The following RNF150 variants were observed in gnomAD, a reference collection of about 807,000 sequenced individuals.
RNF150 encodes the protein ring finger protein 150.
A neutral mutation model predicts 39.3 loss-of-function variants in RNF150; 24 were observed. The observed-to-expected ratio is 0.61, with a 90% CI of 0.44 to 0.86. The LOEUF is 0.86. Among genes scored for constraint, RNF150 ranks in the 40% least tolerant of loss-of-function variants. RNF150 has a pLI of 0.00. For synonymous variants in RNF150, 255 were observed against 227.3 expected (o/e 1.12, Z -1.10); for missense variants, 502 against 587.8 (o/e 0.85, Z 1.51).
At position 141,161,132 on chromosome 4, in the gene RNF150, T is replaced by G. The variant is rs182509670; in HGVS notation, c.-6+51662A>C. On this transcript the variant is annotated intron_variant, in intron 1 of 7. Coordinates refer to the RNF150 transcript ENST00000420921. Reference sequence around the variant, plus strand: ...TAAATGGTTGTGACCGAAGCGCTGATAGTGATATAGACATTAAAGTCCTGG... The same window carrying G: ...TAAATGGTTGTGACCGAAGCGCTGAGAGTGATATAGACATTAAAGTCCTGG... Among the ~76,000 whole-genome samples, 29 of 152,258 alleles carry G rather than the reference T, an allele frequency of 1.9e-4. 1 individual carries two copies. Among genetic ancestry groups the G allele is most frequent in the African/African-American group, 7.0e-4 (29 of 41,548 alleles).
At chr4:140,927,176 C>G (rs1397223566) in intron 4 of RNF150, among the ~76,000 whole-genome samples, 1 of 152,092 alleles carries the variant, frequency 6.6e-6, no homozygotes, top group East Asian at 1.9e-4. Flanking sequence ...TAGAAGAACG[C>G]CAATGCCAAA....
intron 1 of RNF150, among the ~76,000 whole-genome samples, chr4:141,153,108 T>A (rs1352715380): frequency 3.9e-5 from 6 of 152,170 alleles, no homozygotes. Flanking sequence ...GAGAAAAATT[T>A]TTAATTCTTT....
intron 6 of RNF150, among the ~76,000 whole-genome samples, chr4:140,881,594 G>A (rs1729374695): frequency 1.3e-5 from 2 of 152,138 alleles, no homozygotes; most frequent in South Asian, 2.1e-4. Flanking sequence ...GAGAGTGTTG[G>A]TTGGGCATGG....
intron 4 of RNF150, among the ~76,000 whole-genome samples, chr4:140,935,055 AT>A (rs1202593670): frequency 1.6e-4 from 10 of 61,352 alleles, no homozygotes; most frequent in African/African-American, 1.8e-4. Flanking sequence ...AAATATATAT[AT>A]TATATATATA....
chr4:141,167,818 A>G (rs753481692), intron 1 of RNF150, among the ~76,000 whole-genome samples: 5 of 152,166 alleles, frequency 3.3e-5, no homozygotes, highest in Non-Finnish European at 7.4e-5. Context: ...ACTTCAATGT[A>G]AGACTTAAAA....
At chr4:140,887,171 C>T (rs559633768) in intron 6 of RNF150, among the ~76,000 whole-genome samples, 109 of 152,284 alleles carry the variant, frequency 7.2e-4, no homozygotes, top group African/African-American at 2.5e-3. Flanking sequence ...TACCACAGCT[C>T]TATTTAACTT....
chr4:140,901,488 T>TG (rs1156966593), intron 6 of RNF150, among the ~76,000 whole-genome samples: 1 of 152,230 alleles, frequency 6.6e-6, no homozygotes, highest in Non-Finnish European at 1.5e-5. Flanking sequence ...CATTGGAAGA[T>TG]ATATTTATTA....
At chr4:141,149,703 G>T (rs970448944) in intron 1 of RNF150, among the ~76,000 whole-genome samples, 2 of 152,128 alleles carry the variant, frequency 1.3e-5, no homozygotes, top group Non-Finnish European at 2.9e-5. Flanking sequence ...AAACATACGT[G>T]TGCAAGTATC....
chr4:140,951,950 GTAAT>G (rs1420728006), intron 2 of RNF150, among the ~76,000 whole-genome samples: 1 of 152,004 alleles, frequency 6.6e-6, no homozygotes, highest in African/African-American at 2.4e-5. Flanking sequence ...ACTAACCAGA[GTAAT>G]TAAGTAGAAA....
At chr4:141,080,553 C>T (rs965082963) in intron 1 of RNF150, among the ~76,000 whole-genome samples, 4 of 152,090 alleles carry the variant, frequency 2.6e-5, no homozygotes, top group African/African-American at 9.7e-5. Flanking sequence ...CAAATATATC[C>T]CCTTTCAACA....
chr4:141,095,124 G>A (rs1423225310), intron 1 of RNF150, among the ~76,000 whole-genome samples: 1 of 152,226 alleles, frequency 6.6e-6, no homozygotes, highest in Non-Finnish European at 1.5e-5. Context: ...GTTCAAACTA[G>A]CTCACCCAAA....
rs917094689 is a variant in RNF150 at position 141,076,445 on chromosome 4, C to T, written c.484+55880G>A. Among the ~76,000 whole-genome samples, 43 of 152,058 alleles carry T rather than the reference C, an allele frequency of 2.8e-4. 1 individual carries two copies. The highest frequency in any genetic ancestry group is 8.2e-4 in the African/African-American group (34 of 41,392). On this transcript the variant is annotated intron_variant, in intron 1 of 6. Coordinates refer to ENST00000515673, the MANE Select transcript of RNF150 (RefSeq NM_020724.2). ...CAGGCCACAGGTTCTGAAGCACATG[C>T]AAATATGATCTGATTTAACCAGCCA...
chr4:141,089,219 T>C (rs563209458), intron 1 of RNF150, among the ~76,000 whole-genome samples: 4 of 151,884 alleles, frequency 2.6e-5, no homozygotes, highest in Non-Finnish European at 4.4e-5. Flanking sequence ...TCTTCCACCA[T>C]GGGATTTGGT....
At chr4:140,871,667 C>T (rs1728951380) in intron 6 of RNF150, among the ~76,000 whole-genome samples, 1 of 152,156 alleles carries the variant, frequency 6.6e-6, no homozygotes, top group African/African-American at 2.4e-5. Flanking sequence ...AGATAAAGAG[C>T]TGACTTAGTT....
intron 1 of RNF150, among the ~76,000 whole-genome samples, chr4:141,074,377 ATTC>A (rs1228927949): frequency 2.0e-5 from 3 of 151,386 alleles, no homozygotes; most frequent in Admixed American, 2.0e-4. Context: ...TGATTCCAGA[ATTC>A]TTCTTGACAG....
chr4:141,050,514 G>C (rs1181703022), intron 1 of RNF150, among the ~76,000 whole-genome samples: 1 of 152,180 alleles, frequency 6.6e-6, no homozygotes, highest in Admixed American at 6.5e-5. Context: ...AGATACAATG[G>C]GGGTACAGGC....
At chr4:140,993,316 T>A (rs938927046) in intron 1 of RNF150, among the ~76,000 whole-genome samples, 1 of 152,110 alleles carries the variant, frequency 6.6e-6, no homozygotes, top group Non-Finnish European at 1.5e-5. Flanking sequence ...TCCTTCATCA[T>A]CTCTTTTTCT....
chr4:141,202,463 T>C (rs1728306131), intron 1 of RNF150, among the ~76,000 whole-genome samples: 1 of 152,140 alleles, frequency 6.6e-6, no homozygotes. Flanking sequence ...TATATTCTTA[T>C]AGACACTTTT....
intron 1 of RNF150, among the ~76,000 whole-genome samples, chr4:141,194,505 T>C (rs1470282088): frequency 6.6e-6 from 1 of 152,198 alleles, no homozygotes; most frequent in East Asian, 1.9e-4. Flanking sequence ...ATGTCAACTT[T>C]TAGCATAAAT....
Sources: gnomAD v4.1 joint callset for allele counts (sites outside exome capture counted in the v4.1 genomes callset) on GRCh38, gnomAD v4.1.1 for gene constraint, MANE v1.5 for transcripts, NCBI Gene and HGNC (gene_info 2026-07-23, HGNC 2026-07-21) for gene names.